The following RIMS1 variants were observed in gnomAD, a reference collection of about 807,000 sequenced individuals.
RIMS1 encodes the protein regulating synaptic membrane exocytosis 1.
A neutral mutation model predicts 214.1 loss-of-function variants in RIMS1; 83 were observed. That is an observed-to-expected ratio of 0.39 (90% confidence interval 0.32 to 0.47). RIMS1 has a LOEUF of 0.47. Ranked by LOEUF, RIMS1 falls within the 20% of genes least tolerant of loss-of-function variation. The probability of loss-of-function intolerance (pLI) is 0.99; values close to 1 mark genes in which losing one functional copy is unlikely to be tolerated. For synonymous variants in RIMS1, 793 were observed against 786.8 expected (o/e 1.01, Z -0.13); for missense variants, 2,050 against 2,161.8 (o/e 0.95, Z 1.03).
intron 4 of RIMS1, among the ~76,000 whole-genome samples, chr6:72,151,678 CTCTA>C (rs762387669): frequency 3.3e-5 from 5 of 152,162 alleles, no homozygotes; most frequent in East Asian, 1.9e-4. Flanking sequence ...ATATATCTCT[CTCTA>C]TCTGTCTGTC....
intron 1 of RIMS1, among the ~76,000 whole-genome samples, chr6:71,895,264 G>C (rs577430391): frequency 6.6e-6 from 1 of 152,292 alleles, no homozygotes; most frequent in African/African-American, 2.4e-5. Context: ...CTTAATATTT[G>C]AAGACTATTT....
At chr6:72,129,992 A>G (rs2040195523) in intron 4 of RIMS1, among the ~76,000 whole-genome samples, 1 of 152,168 alleles carries the variant, frequency 6.6e-6, no homozygotes, top group African/African-American at 2.4e-5. Flanking sequence ...ACATTATTTC[A>G]GGATAATATC....
chr6:72,399,559 G>A (rs2098817332), intron 33 of RIMS1, among the ~76,000 whole-genome samples: 1 of 152,150 alleles, frequency 6.6e-6, no homozygotes, highest in South Asian at 2.1e-4. Context: ...GAAGTGTGCA[G>A]ACACCAGCAA....
chr6:72,017,392 TAC>T (rs1813119269), intron 2 of RIMS1, among the ~76,000 whole-genome samples: 1 of 152,220 alleles, frequency 6.6e-6, no homozygotes, highest in Non-Finnish European at 1.5e-5. Context: ...TGAGATGGTA[TAC>T]AGTGCCTCTG....
At chr6:72,327,552 C>T (rs2096521644) in intron 28 of RIMS1, among the ~76,000 whole-genome samples, 3 of 151,712 alleles carry the variant, frequency 2.0e-5, no homozygotes, top group African/African-American at 7.3e-5. Flanking sequence ...ATTGCTGGAT[C>T]ATATGGTAGC....
chr6:71,914,398 A>G (rs903284306), intron 1 of RIMS1, among the ~76,000 whole-genome samples: 1 of 152,144 alleles, frequency 6.6e-6, no homozygotes, highest in African/African-American at 2.4e-5. Flanking sequence ...AAACTTGGCC[A>G]TAGAGTTTAG....
intron 1 of RIMS1, among the ~76,000 whole-genome samples, chr6:71,896,453 T>C (rs1459278428): frequency 6.6e-6 from 1 of 152,256 alleles, no homozygotes; most frequent in African/African-American, 2.4e-5. Flanking sequence ...ACAGTCACTA[T>C]TGGGTACAAC....
intron 4 of RIMS1, among the ~76,000 whole-genome samples, chr6:72,165,404 G>C (rs753441681): frequency 1.1e-4 from 16 of 152,022 alleles, no homozygotes; most frequent in Non-Finnish European, 2.2e-4. Flanking sequence ...ATTGAAATAT[G>C]TGCCTTACAC....
chr6:72,089,471 A>G (rs1318075943), intron 2 of RIMS1, among the ~76,000 whole-genome samples: 2 of 152,038 alleles, frequency 1.3e-5, no homozygotes, highest in East Asian at 3.9e-4. Context: ...TGTATTAGAC[A>G]GGGTCTCACC....
intron 27 of RIMS1, among the ~76,000 whole-genome samples, chr6:72,312,299 T>C (rs1227733331): frequency 6.6e-6 from 1 of 152,182 alleles, no homozygotes; most frequent in Non-Finnish European, 1.5e-5. Context: ...AACACCCATA[T>C]GTTATTTTGT....
rs766776920 is a variant in RIMS1, at chr6:72,242,445, TA to T, written c.2081+15del. Reference sequence around the variant, plus strand: ...TGTTTCAAGGCCTATTGGGTAAGGCTAAAAAAACTTACTTCTTAAGTTTAGT... The same window carrying T: ...TGTTTCAAGGCCTATTGGGTAAGGCTAAAAAACTTACTTCTTAAGTTTAGT... On this transcript the variant is annotated intron_variant, in intron 10 of 33. Transcript: ENST00000521978. 9 of 1,530,936 alleles carry T rather than the reference TA, an allele frequency of 5.9e-6. No individual in the cohort carries two copies. Among genetic ancestry groups the T allele is most frequent in the South Asian group, 3.8e-5 (3 of 78,958 alleles). The allele number at this position is 1,530,936 out of a possible 1,614,324, so 94.8% of individuals were successfully genotyped here. A position where few individuals can be genotyped will look rare whatever the true frequency, so the allele number is the denominator to read the frequency against.
intron 2 of RIMS1, among the ~76,000 whole-genome samples, chr6:72,048,756 G>A (rs1823777954): frequency 6.6e-6 from 1 of 152,210 alleles, no homozygotes; most frequent in African/African-American, 2.4e-5. Context: ...GTTGAGACCA[G>A]AGAGTAAATT....
chr6:72,392,854 GT>G (rs1366175986), intron 31 of RIMS1, 44 bp downstream of exon 31: 1 of 1,315,366 alleles, frequency 7.6e-7, no homozygotes, highest in Non-Finnish European at 1.1e-6. Flanking sequence ...GATGTTTTGT[GT>G]TTGACAAAGT....
Position 72,182,346 on chromosome 6 carries a change from G to C in RIMS1, c.875G>C (p.Arg292Pro), listed in dbSNP as rs768727796. Residue 292 changes from arginine to proline, a missense_variant, in exon 6 of 34, where the codon CGC becomes CCC. By Grantham distance (103) the Arg-to-Pro change is moderately radical. Around this residue, in one of 6 missense-constraint regions of RIMS1, gnomAD observed 882 missense variants for 828.9 expected, o/e 1.06. Transcript: ENST00000521978. ...GKGALKSERK[R>P]VPKTSAQPVE... ...GGAGCCCTGAAGAGCGAGCGGAAAC[G>C]CGTGCCAAAGACCTCAGCGCAGCCC... 1 of 1,612,990 alleles carries C rather than the reference G, an allele frequency of 6.2e-7. No individual in the cohort carries two copies. The highest frequency in any genetic ancestry group is 2.2e-5 in the East Asian group (1 of 44,870).
At chr6:71,934,639 T>C (rs1208642708) in intron 1 of RIMS1, among the ~76,000 whole-genome samples, 1 of 152,176 alleles carries the variant, frequency 6.6e-6, no homozygotes, top group Non-Finnish European at 1.5e-5. Context: ...TTAGTCATTG[T>C]GGGAAGGAAG....
chr6:72,084,791 TGTAA>T (rs1834239298), intron 2 of RIMS1, among the ~76,000 whole-genome samples: 1 of 152,182 alleles, frequency 6.6e-6, no homozygotes, highest in South Asian at 2.1e-4. Context: ...TCTTATTTTT[TGTAA>T]GTGTCATCTC....
intron 7 of RIMS1, among the ~76,000 whole-genome samples, chr6:72,234,370 G>A (rs933682041): frequency 7.9e-5 from 12 of 151,912 alleles, no homozygotes; most frequent in African/African-American, 2.9e-4. Flanking sequence ...AGGAAAGAAA[G>A]CAAGTTGTTT....
chr6:72,337,580 A>G (rs1188414690), intron 29 of RIMS1, among the ~76,000 whole-genome samples: 1 of 150,966 alleles, frequency 6.6e-6, no homozygotes, highest in South Asian at 2.1e-4. Flanking sequence ...TTTCTTTTTT[A>G]TTTCATTTTA....
In RIMS1 at chr6:72,400,802, GAGAC is replaced by G. The variant is rs560297123; in HGVS notation, c.*94_*97del. Reference sequence around the variant, plus strand: ...TATTTCATGATCGAAAGCATTGTTGGAGACAGACAATCAACTTGTGTTTTGCCTG... The same window carrying G: ...TATTTCATGATCGAAAGCATTGTTGGAGACAATCAACTTGTGTTTTGCCTG... On this transcript the variant is annotated 3_prime_UTR_variant, in exon 34 of 34. Coordinates refer to ENST00000521978, the MANE Select transcript of RIMS1 (RefSeq NM_014989.7). The G allele has an allele frequency of 1.3e-5, 14 of 1,077,412 alleles. No individual in the cohort carries two copies. Among genetic ancestry groups the G allele is most frequent in the East Asian group, 4.8e-5 (2 of 41,490 alleles). The allele number at this position is 1,077,412 out of a possible 1,614,324, so 66.7% of individuals were successfully genotyped here.
Sources: gnomAD v4.1 joint callset for allele counts (sites outside exome capture counted in the v4.1 genomes callset) on GRCh38, gnomAD v4.1.1 for gene constraint, gnomAD v4.1.1 regional missense constraint, MANE v1.5 for transcripts, NCBI Gene and HGNC (gene_info 2026-07-23, HGNC 2026-07-21) for gene names.